AGO1: variants seen among roughly 807,000 people sequenced by gnomAD.
AGO1 encodes argonaute RISC component 1, also known as protein argonaute-1.
AGO1 carries 11 observed loss-of-function variants against 109.2 expected under a neutral mutation model. The ratio of observed to expected loss-of-function variants is 0.10; its 90% CI spans 0.06 to 0.17. AGO1 has a LOEUF of 0.17. AGO1 is among the 10% of genes least tolerant of loss of function. The pLI is 1.00. For missense variants in AGO1, 574 were observed against 1,140.3 expected, an observed-to-expected ratio of 0.50 and a Z score of 7.15; for synonymous variants, 422 against 418.6, an observed-to-expected ratio of 1.01 and a Z score of -0.10.
intron 12 of AGO1, 88 bp from the exon 13 acceptor site, chr1:35,913,754 C>A: frequency 1.4e-6 from 2 of 1,380,280 alleles, no homozygotes; most frequent in South Asian, 1.3e-5. Context: ...TTATTGTGTT[C>A]CCTAGCACCT....
rs746174789 is a variant in AGO1 at position 35,883,489 on chromosome 1, T to G, written c.25+43T>G. On this transcript the variant is annotated intron_variant, in intron 1 of 18. Coordinates refer to ENST00000373204, the MANE Select transcript of AGO1 (RefSeq NM_012199.5). The surrounding 1 kb of genome is among the most constrained non-coding windows in gnomAD (Gnocchi z 5.4). ...GGGGAACGGTGCATGCTCCAAGGAC[T>G]GGGGGATCCCGCATGAAAAGCGTGG... The G allele has an allele frequency of 6.6e-7, 1 of 1,516,098 alleles. No homozygotes were observed. Among genetic ancestry groups the G allele is most frequent in the South Asian group, 1.3e-5 (1 of 78,898 alleles). The allele number at this position is 1,516,098 out of a possible 1,614,324, so 93.9% of individuals were successfully genotyped here.
chr1:35,913,256 T>G (rs1645672786), intron 12 of AGO1, among the ~76,000 whole-genome samples: 1 of 152,034 alleles, frequency 6.6e-6, no homozygotes, highest in Non-Finnish European at 1.5e-5. Flanking sequence ...CCTGACCTCA[T>G]GATCCACCCG....
rs138540293 is a variant in AGO1 at position 35,918,700 on chromosome 1, C to T, written c.2265+277C>T. Among the ~76,000 whole-genome samples the T allele has an allele frequency of 1.1e-3, 160 of 152,270 alleles. 1 individual carries two copies. The highest frequency in any genetic ancestry group is 1.7e-3 in the Non-Finnish European group (115 of 68,024). On this transcript the variant is annotated intron_variant, in intron 17 of 18. Transcript: ENST00000373204. ...CCTCCCAAGTAGCTGGGATTACAAG[C>T]ATGCGCCACCATGCCCAGCTAATTT...
chr1:35,915,808 A>G (rs922117877), intron 15 of AGO1, among the ~76,000 whole-genome samples: 1 of 152,182 alleles, frequency 6.6e-6, no homozygotes, highest in African/African-American at 2.4e-5. Flanking sequence ...GTGATTCTCA[A>G]ATGCTAGCTT....
At chr1:35,892,806 G>A in intron 3 of AGO1, 129 bp downstream of exon 3, 1 of 1,297,250 alleles carries the variant, frequency 7.7e-7, no homozygotes, top group Admixed American at 1.9e-5. Flanking sequence ...AGGGTGAGGG[G>A]TGGGTAGGTG....
Position 35,893,537 on chromosome 1 carries a change from T to C in AGO1, c.513-137T>C, listed in dbSNP as rs1645261009. 1.0e-6 allele frequency: 1 copy of C among 973,692 alleles called. No homozygotes were observed. Among genetic ancestry groups the C allele is most frequent in the East Asian group, 2.6e-5 (1 of 37,774 alleles). 60.3% of individuals were successfully genotyped at this position (973,692 alleles called of 1,614,324 possible). On this transcript the variant is annotated intron_variant, in intron 4 of 18. Transcript: ENST00000373204. The surrounding 1 kb of genome is among the most constrained non-coding windows in gnomAD (Gnocchi z 5.6). ...GTAGAAACTTGTACAAGGTCAGTCA[T>C]ACAACTAGTAAAGCATCAGAGCTGG...
intron 1 of AGO1, among the ~76,000 whole-genome samples, chr1:35,871,225 AT>A (rs148983758): frequency 0.048 from 7,257 of 152,170 alleles, 256 homozygotes; most frequent in South Asian, 0.082. Flanking sequence ...TTGATGTCTC[AT>A]TGTGGTCTTT....
intron 16 of AGO1, 111 bp downstream of exon 16, chr1:35,917,838 C>T: frequency 1.4e-6 from 2 of 1,442,920 alleles, no homozygotes; most frequent in South Asian, 2.8e-5. Flanking sequence ...TATCTATCCT[C>T]CCTGGCCCCT....
At position 35,883,438 on chromosome 1, in the gene AGO1, C is replaced by T. The variant is rs1228530087; in HGVS notation, c.17C>T (p.Ser6Leu). The change falls in exon 1 of 19, where the codon TCG (serine) becomes TTG (leucine). Residue 6 changes from serine (S) to leucine (L), a missense_variant. Physicochemically the swap from Ser to Leu is moderately radical, Grantham distance 145 (BLOSUM62 -2). This residue lies in a region of AGO1 where 89 missense variants were observed against 109.6 expected (regional missense o/e 0.81). Coordinates refer to ENST00000373204, the MANE Select transcript of AGO1 (RefSeq NM_012199.5). This position sits in a 1 kb window ranked among gnomAD's most constrained non-coding sequence, Gnocchi z 5.4. ...GTATATGGGATGGAAGCGGGACCCTCGGGAGCAGGTAAGGGTCCCCAGGAG... is the reference window on the plus strand; with the variant it reads ...GTATATGGGATGGAAGCGGGACCCTTGGGAGCAGGTAAGGGTCCCCAGGAG... MEAGPSGAAAGAYLPP... is the reference protein window; with the variant it reads MEAGPLGAAAGAYLPP... 1.3e-6 allele frequency: 2 copies of T among 1,569,760 alleles called. No homozygotes were observed. Among genetic ancestry groups the T allele is most frequent in the African/African-American group, 1.4e-5 (1 of 70,844 alleles).
In AGO1 at chr1:35,902,079, G is replaced by C; in HGVS notation, c.1263+9G>C. ...TGCAGTACGGCGGCCGGGTGAGCAG[G>C]GTCAGGGCCAGACAACATCTCGGGG... is the stretch of plus-strand genomic sequence containing the variant. On this transcript the variant is annotated intron_variant, in intron 10 of 18. Coordinates refer to ENST00000373204, the MANE Select transcript of AGO1 (RefSeq NM_012199.5). 2 of 1,596,656 alleles carry C rather than the reference G, an allele frequency of 1.3e-6. No individual in the cohort carries two copies. Among genetic ancestry groups the C allele is most frequent in the Non-Finnish European group, 1.7e-6 (2 of 1,171,004 alleles).
chr1:35,899,176 C>T (rs1369440650), intron 8 of AGO1, among the ~76,000 whole-genome samples: 2 of 152,330 alleles, frequency 1.3e-5, no homozygotes, highest in Admixed American at 6.5e-5. Context: ...TTTCACTTAA[C>T]ACAATGTCTT....
chr1:35,872,245 G>T (rs192188771), intron 1 of AGO1, among the ~76,000 whole-genome samples: 287 of 148,082 alleles, frequency 1.9e-3, no homozygotes, highest in African/African-American at 6.0e-3. Flanking sequence ...GAGTGCAGTG[G>T]CATGATCTCG....
chr1:35,895,010 A>G (rs1645293323), intron 7 of AGO1, 112 bp from the exon 8 acceptor site: 1 of 1,315,266 alleles, frequency 7.6e-7, no homozygotes, highest in Non-Finnish European at 1.0e-6. Flanking sequence ...TGCACATCAT[A>G]TTGGGGCCAA....
At chr1:35,889,432 T>A (rs969749577) in intron 2 of AGO1, among the ~76,000 whole-genome samples, 7 of 151,496 alleles carry the variant, frequency 4.6e-5, no homozygotes, top group Non-Finnish European at 1.0e-4. Flanking sequence ...GGCTGGTCTC[T>A]AACTCCTGAC....
Position 35,928,638 on chromosome 1 carries a change from T to G in AGO1, c.*9031T>G, listed in dbSNP as rs1431744049. On this transcript the variant is annotated 3_prime_UTR_variant, in exon 19 of 19. Coordinates refer to ENST00000373204, the MANE Select transcript of AGO1 (RefSeq NM_012199.5). ...AGTTTTATTGAGTTGTAAGAGTTCT[T>G]TATTCATTTTAAACACAAGTCCTTT... 6.6e-6 allele frequency: 1 copy of G among 152,248 alleles called. No homozygotes were observed. Among genetic ancestry groups the G allele is most frequent in the East Asian group, 1.9e-4 (1 of 5,206 alleles). The allele number at this position is 152,248 out of a possible 1,614,324, so 9.4% of individuals were successfully genotyped here.
intron 12 of AGO1, among the ~76,000 whole-genome samples, chr1:35,907,727 A>T (rs1003389940): frequency 6.6e-6 from 1 of 151,984 alleles, no homozygotes; most frequent in Non-Finnish European, 1.5e-5. Context: ...TACCTTTGGG[A>T]CTTTATACCT....
chr1:35,880,075 T>C (rs1645023222), upstream of AGO1, among the ~76,000 whole-genome samples: 2 of 152,234 alleles, frequency 1.3e-5, no homozygotes, highest in East Asian at 1.9e-4. Context: ...TGCTTTTTGA[T>C]GCCATCTTGT....
Position 35,912,118 on chromosome 1 carries a change from G to T in AGO1, c.1583-1724G>T, listed in dbSNP as rs1645643787. Among the ~76,000 whole-genome samples, 3 of 152,230 alleles carry T rather than the reference G, an allele frequency of 2.0e-5. No individual in the cohort carries two copies. In the East Asian group the frequency reaches 5.8e-4, roughly 29 times the overall value. ...CACGCGTGTAATCCCAGCACTTTGG[G>T]AGGCCGAGGCAGGCGGATCATGAGG... On this transcript the variant is annotated intron_variant, in intron 12 of 18. Transcript: ENST00000373204.
At position 35,870,433 on chromosome 1, in the gene AGO1, G is replaced by A. The variant is rs1038895419; in HGVS notation, c.-201+530G>A. Among the ~76,000 whole-genome samples the A allele has an allele frequency of 3.9e-5, 6 of 151,936 alleles. No homozygotes were observed. The South Asian group carries it at 6.2e-4, about 16-fold the overall frequency. ...CGAGTAGCTGGGACTATAGGCGCCCGCCACCACGCCCGGCTAATTTTTTGT... is the reference window on the plus strand; with the variant it reads ...CGAGTAGCTGGGACTATAGGCGCCCACCACCACGCCCGGCTAATTTTTTGT... On this transcript the variant is annotated intron_variant, in intron 1 of 18. Transcript: ENST00000373206.
Sources: allele counts gnomAD v4.1 joint callset (sites outside exome capture counted in the v4.1 genomes callset), GRCh38; gene constraint gnomAD v4.1.1; regional missense constraint gnomAD v4.1.1; non-coding constraint Gnocchi (gnomAD v3.1); transcripts MANE v1.5; gene names NCBI Gene and HGNC (gene_info 2026-07-23, HGNC 2026-07-21).